KLF12: variants seen among roughly 807,000 people sequenced by gnomAD.
KLF12 encodes KLF transcription factor 12, also known as Krueppel-like factor 12.
In KLF12, 9 loss-of-function variants were observed where a neutral mutation model predicts 37.8. The observed-to-expected ratio is 0.24, with a 90% CI of 0.14 to 0.42. The LOEUF is 0.42. Among genes scored for constraint, KLF12 ranks in the 10% least tolerant of loss-of-function variants. The probability of loss-of-function intolerance (pLI) is 1.00; values close to 1 mark genes in which losing one functional copy is unlikely to be tolerated. For synonymous variants in KLF12, 208 were observed against 202.1 expected, an observed-to-expected ratio of 1.03 and a Z score of -0.25; for missense variants, 411 against 516.0, an observed-to-expected ratio of 0.80 and a Z score of 1.97.
chr13:73,867,165 G>C (rs1247979080), intron 3 of KLF12, among the ~76,000 whole-genome samples: 1 of 152,022 alleles, frequency 6.6e-6, no homozygotes, highest in Non-Finnish European at 1.5e-5. Context: ...TAAAATTATA[G>C]CTTCGATTTT....
intron 4 of KLF12, among the ~76,000 whole-genome samples, chr13:73,815,627 G>A (rs532890874): frequency 6.6e-6 from 1 of 152,294 alleles, no homozygotes; most frequent in East Asian, 1.9e-4. Flanking sequence ...ATTGTATGGT[G>A]TTGCATACAC....
chr13:74,050,114 T>C (rs1042664359), intron 1 of KLF12, among the ~76,000 whole-genome samples: 2 of 151,524 alleles, frequency 1.3e-5, no homozygotes, highest in African/African-American at 4.9e-5. Flanking sequence ...ATTCAGAACA[T>C]CTGGAACAAG....
intron 1 of KLF12, among the ~76,000 whole-genome samples, chr13:74,059,585 C>T (rs1873455335): frequency 6.6e-6 from 1 of 152,172 alleles, no homozygotes; most frequent in Non-Finnish European, 1.5e-5. Flanking sequence ...TACATGTCTT[C>T]TTTTCAGAAG....
the KLF12 span, among the ~76,000 whole-genome samples, chr13:74,161,289 A>G: frequency 2.0e-5 from 3 of 152,076 alleles, no homozygotes; most frequent in African/African-American, 7.2e-5. Flanking sequence ...ATGTGACCTT[A>G]TTTGAAAATA....
chr13:73,995,117 T>C, intron 1 of KLF12, 64 bp from the exon 2 acceptor site: 1 of 1,075,880 alleles, frequency 9.3e-7, no homozygotes, highest in Non-Finnish European at 1.4e-6. Flanking sequence ...TATTGCTCCT[T>C]TGGGGAAAAA....
chr13:73,941,925 A>C (rs1054906414), intron 3 of KLF12, among the ~76,000 whole-genome samples: 1 of 152,180 alleles, frequency 6.6e-6, no homozygotes, highest in Non-Finnish European at 1.5e-5. Context: ...TCCACTCACA[A>C]GGAGGAAAAT....
chr13:73,720,031 G>A (rs991337819), intron 6 of KLF12, among the ~76,000 whole-genome samples: 4 of 152,052 alleles, frequency 2.6e-5, no homozygotes, highest in African/African-American at 9.7e-5. Context: ...CTAAAGTATT[G>A]CTTACAATTA....
intron 1 of KLF12, among the ~76,000 whole-genome samples, chr13:74,050,825 A>G (rs1313209449): frequency 1.3e-5 from 2 of 152,348 alleles, no homozygotes; most frequent in East Asian, 3.9e-4. Flanking sequence ...TTCATTTGAT[A>G]AGGAGTTAAT....
chr13:74,105,794 T>C (rs903579027), intron 1 of KLF12, among the ~76,000 whole-genome samples: 2 of 152,160 alleles, frequency 1.3e-5, no homozygotes, highest in African/African-American at 2.4e-5. Context: ...AAAAAATTAA[T>C]ATGTACTATG....
At chr13:74,121,307 A>G (rs1186250890) in intron 1 of KLF12, among the ~76,000 whole-genome samples, 1 of 152,144 alleles carries the variant, frequency 6.6e-6, no homozygotes, top group Non-Finnish European at 1.5e-5. Context: ...CTTTTATGGA[A>G]GAAATAGTAC....
At chr13:74,285,433 A>G in the KLF12 span, among the ~76,000 whole-genome samples, 1 of 152,244 alleles carries the variant, frequency 6.6e-6, no homozygotes, top group African/African-American at 2.4e-5. Flanking sequence ...CTCATAAAAC[A>G]GAAAGAAGTA....
intron 3 of KLF12, among the ~76,000 whole-genome samples, chr13:73,863,900 T>C (rs2138822700): frequency 6.6e-6 from 1 of 152,330 alleles, no homozygotes; most frequent in African/African-American, 2.4e-5. Context: ...ACACTGAGTG[T>C]TATAAAGACT....
rs142489586 is a variant in KLF12, at chr13:73,902,455, C to T, written c.123+41526G>A. Among the ~76,000 whole-genome samples the T allele has an allele frequency of 8.3e-4, 127 of 152,176 alleles. 2 individuals are homozygous for T. In the East Asian group the frequency reaches 0.022, roughly 27 times the overall value. ...AATATCATTTCCATTTTTATAGAAG[C>T]GGATACCAAGCTTAGGAAGATTAAG... is the stretch of plus-strand genomic sequence containing the variant. On this transcript the variant is annotated intron_variant, in intron 3 of 7. Transcript: ENST00000377669.
intron 1 of KLF12, among the ~76,000 whole-genome samples, chr13:74,120,607 G>A (rs1321899757): frequency 1.3e-5 from 2 of 151,958 alleles, no homozygotes; most frequent in African/African-American, 4.8e-5. Context: ...GCAAAAATAT[G>A]AGCAAGAATT....
chr13:74,238,145 A>T, the KLF12 span, among the ~76,000 whole-genome samples: 2,641 of 132,468 alleles, frequency 0.02, 855 homozygotes, highest in African/African-American at 0.097. Context: ...AGTTTTTAGC[A>T]TGAAGGGTTG....
chr13:73,723,471 A>G (rs1427807017), intron 6 of KLF12, among the ~76,000 whole-genome samples: 1 of 152,010 alleles, frequency 6.6e-6, no homozygotes, highest in Non-Finnish European at 1.5e-5. Flanking sequence ...TTATGCCAGA[A>G]GTGATAGCTT....
chr13:73,903,712 A>G (rs1014640476), intron 3 of KLF12, among the ~76,000 whole-genome samples: 24 of 152,204 alleles, frequency 1.6e-4, no homozygotes, highest in African/African-American at 4.1e-4. Context: ...GGGGTCCCCA[A>G]TGGCCCATGG....
the KLF12 span, among the ~76,000 whole-genome samples, chr13:74,152,468 T>G: frequency 2.0e-5 from 3 of 152,204 alleles, no homozygotes; most frequent in African/African-American, 7.2e-5. Flanking sequence ...ACCAATTTTT[T>G]GTTGTTGTTG....
At chr13:74,071,691 T>G (rs1290634963) in intron 1 of KLF12, among the ~76,000 whole-genome samples, 1 of 151,830 alleles carries the variant, frequency 6.6e-6, no homozygotes, top group Non-Finnish European at 1.5e-5. Flanking sequence ...AGACTCCGTC[T>G]CAAAAAAGAA....
Sources: gnomAD v4.1 joint callset for allele counts (sites outside exome capture counted in the v4.1 genomes callset) on GRCh38, gnomAD v4.1.1 for gene constraint, MANE v1.5 for transcripts, NCBI Gene and HGNC (gene_info 2026-07-23, HGNC 2026-07-21) for gene names.